Variants in CDH2 observed in about 807,000 individuals in gnomAD.
CDH2 encodes cadherin 2.
In CDH2, 17 loss-of-function variants were observed where a neutral mutation model predicts 92.0. The ratio of observed to expected loss-of-function variants is 0.18; its 90% CI spans 0.13 to 0.28. CDH2 has a LOEUF of 0.28. Among genes scored for constraint, CDH2 ranks in the 10% least tolerant of loss-of-function variants. The pLI, the probability that CDH2 is intolerant of heterozygous loss-of-function variation, is 1.00. For synonymous variants in CDH2, 419 were observed against 415.9 expected (o/e 1.01, Z -0.09); for missense variants, 862 against 1,133.1 (o/e 0.76, Z 3.44).
rs111703217 is a variant in CDH2 at position 27,974,237 on chromosome 18, A to G, written c.2349+8707T>C. On this transcript the variant is annotated intron_variant, in intron 14 of 15. Coordinates refer to ENST00000269141, the MANE Select transcript of CDH2 (RefSeq NM_001792.5). The stretch of plus-strand genomic sequence containing the variant: ...GTATAATTCAATCAGGGCCTGCAAA[A>G]TAAGTATCTATGAAGAATGGGCTGA... Among the ~76,000 whole-genome samples, 329 of 152,252 alleles carry G rather than the reference A, an allele frequency of 2.2e-3. 1 individual carries two copies. Among genetic ancestry groups the G allele is most frequent in the African/African-American group, 7.5e-3 (312 of 41,552 alleles).
chr18:28,130,458 C>A (rs1010601434), intron 2 of CDH2, among the ~76,000 whole-genome samples: 1 of 152,190 alleles, frequency 6.6e-6, no homozygotes, highest in East Asian at 1.9e-4. Context: ...AGTGCAGTAT[C>A]GTGATGTAAA....
At position 28,175,589 on chromosome 18, in the gene CDH2, C is replaced by A. The variant is rs971319282; in HGVS notation, c.60+1374G>T. 2.6e-5 allele frequency among the ~76,000 whole-genome samples: 4 copies of A among 152,244 alleles called. No individual in the cohort carries two copies. The East Asian group carries it at 7.8e-4, about 30-fold the overall frequency. ...AAGCGCGAGAGACTGCGGAGGCCAGCCCCGTCCAGCCCCTGCCCCCGCCCC... is the reference window on the plus strand; with the variant it reads ...AAGCGCGAGAGACTGCGGAGGCCAGACCCGTCCAGCCCCTGCCCCCGCCCC... On this transcript the variant is annotated intron_variant, in intron 1 of 15. Coordinates refer to ENST00000269141, the MANE Select transcript of CDH2 (RefSeq NM_001792.5).
At chr18:28,025,411 A>T (rs1476848162) in intron 2 of CDH2, among the ~76,000 whole-genome samples, 1 of 151,778 alleles carries the variant, frequency 6.6e-6, no homozygotes, top group Non-Finnish European at 1.5e-5. Flanking sequence ...CCAGCTACTC[A>T]GGAGGCTGAG....
In CDH2 at chr18:28,136,058, T is replaced by C. The variant is rs377515165; in HGVS notation, c.172+11615A>G. ...AACCTGAGAATTTCCTTATCAACAT[T>C]TTCTCAAATGCACAATACATGCCAA... On this transcript the variant is annotated intron_variant, in intron 2 of 15. Coordinates refer to ENST00000269141, the MANE Select transcript of CDH2 (RefSeq NM_001792.5). 4.6e-5 allele frequency among the ~76,000 whole-genome samples: 7 copies of C among 152,290 alleles called. No homozygotes were observed. The East Asian group carries it at 7.7e-4, about 17-fold the overall frequency.
intron 2 of CDH2, among the ~76,000 whole-genome samples, chr18:28,119,292 A>G (rs747796633): frequency 1.6e-4 from 25 of 152,106 alleles, no homozygotes; most frequent in Admixed American, 3.9e-4. Context: ...ATTCAGGTAT[A>G]TCCCATGCAC....
chr18:28,057,413 C>A (rs904806322), intron 2 of CDH2, among the ~76,000 whole-genome samples: 15 of 152,282 alleles, frequency 9.9e-5, no homozygotes, highest in South Asian at 2.1e-4. Flanking sequence ...CGCCTGTAAT[C>A]CCAACACTTC....
intron 6 of CDH2, among the ~76,000 whole-genome samples, chr18:27,940,608 G>A (rs1466212161): frequency 2.6e-4 from 39 of 152,164 alleles, no homozygotes; most frequent in Admixed American, 2.5e-3. Flanking sequence ...AGTGACTTCA[G>A]TCTCCTTGGC....
chr18:28,031,583 A>G (rs2013697165), intron 2 of CDH2, among the ~76,000 whole-genome samples: 3 of 151,986 alleles, frequency 2.0e-5, no homozygotes, highest in African/African-American at 7.2e-5. Context: ...CTACAGTTAC[A>G]TATGTTTTCT....
At chr18:27,965,001 C>T (rs2011500568) in intron 14 of CDH2, among the ~76,000 whole-genome samples, 1 of 152,188 alleles carries the variant, frequency 6.6e-6, no homozygotes. Context: ...TTCATACTCA[C>T]TGTGGGTCAG....
intron 2 of CDH2, among the ~76,000 whole-genome samples, chr18:28,079,164 C>CA (rs1360237014): frequency 6.6e-6 from 1 of 152,196 alleles, no homozygotes; most frequent in Non-Finnish European, 1.5e-5. Context: ...CATCATTTCT[C>CA]AAGATAAAGC....
chr18:28,040,890 A>G (rs1482028138), intron 2 of CDH2, among the ~76,000 whole-genome samples: 2 of 152,342 alleles, frequency 1.3e-5, no homozygotes, highest in South Asian at 2.1e-4. Context: ...CACACTCCAC[A>G]GATAATCTCA....
chr18:28,047,810 A>C (rs914924176), intron 2 of CDH2, among the ~76,000 whole-genome samples: 19 of 143,400 alleles, frequency 1.3e-4, no homozygotes, highest in Non-Finnish European at 2.0e-4. Flanking sequence ...CGGAGCTTGC[A>C]GTGAGCCGAG....
intron 2 of CDH2, among the ~76,000 whole-genome samples, chr18:28,085,782 G>T (rs1372862375): frequency 6.6e-6 from 1 of 152,066 alleles, no homozygotes; most frequent in Non-Finnish European, 1.5e-5. Flanking sequence ...TGAATCCCTA[G>T]TGCAAAACAC....
chr18:28,068,194 C>T (rs748048684), intron 2 of CDH2, among the ~76,000 whole-genome samples: 9 of 152,232 alleles, frequency 5.9e-5, no homozygotes, highest in Non-Finnish European at 8.8e-5. Flanking sequence ...GGAGTAGATG[C>T]GAAAGAGCAA....
intron 2 of CDH2, among the ~76,000 whole-genome samples, chr18:28,122,629 T>C (rs1025159414): frequency 6.6e-6 from 1 of 152,078 alleles, no homozygotes; most frequent in African/African-American, 2.4e-5. Context: ...CAAAATATGG[T>C]TAACGGAAAA....
At chr18:28,165,576 G>C (rs1304185423) in intron 1 of CDH2, among the ~76,000 whole-genome samples, 1 of 152,072 alleles carries the variant, frequency 6.6e-6, no homozygotes, top group African/African-American at 2.4e-5. Context: ...CCTTATGATA[G>C]ATACTATTTA....
chr18:28,016,959 C>T (rs1002680554), intron 2 of CDH2, among the ~76,000 whole-genome samples: 1 of 152,124 alleles, frequency 6.6e-6, no homozygotes, highest in African/African-American at 2.4e-5. Flanking sequence ...TCCTGCATTC[C>T]TGATATGAAA....
In CDH2 at chr18:28,177,057, A is replaced by AGGCGGAGGCGGCGGCGGCGGC. The variant is rs1555649229; in HGVS notation, c.-36_-35insGCCGCCGCCGCCGCCTCCGCC. The AGGCGGAGGCGGCGGCGGCGGC allele has an allele frequency of 2.3e-6, 3 of 1,302,322 alleles. No homozygotes were observed. Among genetic ancestry groups the AGGCGGAGGCGGCGGCGGCGGC allele is most frequent in the Admixed American group, 2.2e-5 (1 of 45,024 alleles). 80.7% of individuals were successfully genotyped at this position (1,302,322 alleles called of 1,614,324 possible). Reference sequence around the variant, plus strand: ...GAGGGGCCGAGCGAAGAGCCGGAGGAGGCGGCGGCGGCGGCGGCGGCGGCG... The same window carrying AGGCGGAGGCGGCGGCGGCGGC: ...GAGGGGCCGAGCGAAGAGCCGGAGGAGGCGGAGGCGGCGGCGGCGGCGGCGGCGGCGGCGGCGGCGGCGGCG... On this transcript the variant is annotated 5_prime_UTR_variant, in exon 1 of 16. Transcript: ENST00000269141.
chr18:28,092,284 T>C (rs2144214065), intron 2 of CDH2, among the ~76,000 whole-genome samples: 1 of 152,268 alleles, frequency 6.6e-6, no homozygotes, highest in African/African-American at 2.4e-5. Context: ...GCAGAGAAAT[T>C]ACTGACCATG....
Sources: allele counts gnomAD v4.1 joint callset (sites outside exome capture counted in the v4.1 genomes callset), GRCh38; gene constraint gnomAD v4.1.1; transcripts MANE v1.5; gene names NCBI Gene and HGNC (gene_info 2026-07-23, HGNC 2026-07-21).